Variants in ABHD6 observed in about 807,000 individuals in gnomAD.
The protein encoded by ABHD6 is abhydrolase domain containing 6, acylglycerol lipase.
A neutral mutation model predicts 38.8 loss-of-function variants in ABHD6; 33 were observed. That is an observed-to-expected ratio of 0.85 (90% CI 0.64 to 1.14). The LOEUF (loss-of-function observed/expected upper bound fraction) is 1.14, where lower values mean the gene tolerates loss of function less well. ABHD6 is among the 50% of genes most tolerant of loss of function. The probability of loss-of-function intolerance (pLI) is 0.00; values close to 1 mark genes in which losing one functional copy is unlikely to be tolerated. For synonymous variants in ABHD6, 147 were observed against 161.6 expected (o/e 0.91, Z 0.69); for missense variants, 380 against 422.6 (o/e 0.90, Z 0.88).
rs1461250295 is a variant in ABHD6 at position 58,291,243 on chromosome 3, C to T, written c.838-2346C>T. 3.7e-4 allele frequency among the ~76,000 whole-genome samples: 56 copies of T among 150,746 alleles called. No individual in the cohort carries two copies. In the East Asian group the frequency reaches 0.011, roughly 29 times the overall value. ...AAATACGAAAACCAGTCAGGCGTGG[C>T]AGTGTGCACCTGCAATCGCAGGCAC... is the stretch of plus-strand genomic sequence containing the variant. On this transcript the variant is annotated intron_variant, in intron 9 of 9. Coordinates refer to ENST00000478253, the MANE Select transcript of ABHD6 (RefSeq NM_001320126.2).
intron 7 of ABHD6, among the ~76,000 whole-genome samples, chr3:58,275,794 G>T (rs986356512): frequency 6.6e-6 from 1 of 151,738 alleles, no homozygotes. Flanking sequence ...CCTTCCCCCA[G>T]CCCCCTACCC....
At position 58,260,781 on chromosome 3, in the gene ABHD6, G is replaced by T. The variant is rs2097436416; in HGVS notation, c.119+4076G>T. Among the ~76,000 whole-genome samples, 2 of 152,198 alleles carry T rather than the reference G, an allele frequency of 1.3e-5. 1 individual carries two copies. The highest frequency in any genetic ancestry group is 4.1e-4 in the South Asian group (2 of 4,826). On this transcript the variant is annotated intron_variant, in intron 3 of 9. Transcript: ENST00000478253. ...CCCAGTCCCCGTTCCCCGCTGCCCT[G>T]CCATATGAGCATAAGGGTTTGGTGA...
At chr3:58,279,195 G>T (rs1421226859) in intron 7 of ABHD6, among the ~76,000 whole-genome samples, 1 of 152,196 alleles carries the variant, frequency 6.6e-6, no homozygotes, top group East Asian at 1.9e-4. Flanking sequence ...AGTATTGACA[G>T]TGGGGTGTTA....
chr3:58,247,149 T>G (rs897861405), intron 1 of ABHD6, among the ~76,000 whole-genome samples: 1 of 151,196 alleles, frequency 6.6e-6, no homozygotes, highest in Non-Finnish European at 1.5e-5. Flanking sequence ...ACTACAGGCA[T>G]GCACCACCAC....
Position 58,281,252 on chromosome 3 carries a change from G to A in ABHD6, c.682-3833G>A, listed in dbSNP as rs528235819. ...TTGCTGAGCTGTGGTGGGCTTTGCC[G>A]AGTTCGAGCTTCCAGGCCACTTTGT... On this transcript the variant is annotated intron_variant, in intron 7 of 9. Coordinates refer to ENST00000478253, the MANE Select transcript of ABHD6 (RefSeq NM_001320126.2). Among the ~76,000 whole-genome samples, 6 of 152,198 alleles carry A rather than the reference G, an allele frequency of 3.9e-5. No individual in the cohort carries two copies. In the South Asian group the frequency reaches 8.3e-4, roughly 21 times the overall value.
chr3:58,284,241 C>G (rs2097455383), intron 7 of ABHD6, among the ~76,000 whole-genome samples: 2 of 152,166 alleles, frequency 1.3e-5, no homozygotes. Context: ...CAGCCCTCAG[C>G]AGGGAAGGCA....
chr3:58,273,228 T>C lies in ABHD6; in HGVS notation c.524-1430T>C, dbSNP rs1278127589. 6.6e-6 allele frequency among the ~76,000 whole-genome samples: 1 copy of C among 152,106 alleles called. No individual in the cohort carries two copies. The highest frequency in any genetic ancestry group is 6.6e-5 in the Admixed American group (1 of 15,264). ...GTGGGTTTCTGCATCACGACCAATATTATTGATGCTACTGCCTTTCATTAT... is the reference window on the plus strand; with the variant it reads ...GTGGGTTTCTGCATCACGACCAATACTATTGATGCTACTGCCTTTCATTAT... On this transcript the variant is annotated intron_variant, in intron 6 of 9. Transcript: ENST00000478253. This position sits in a 1 kb window ranked among gnomAD's most constrained non-coding sequence, Gnocchi z 4.8.
Position 58,285,246 on chromosome 3 carries a change from T to A in ABHD6, c.736+107T>A. On this transcript the variant is annotated intron_variant, in intron 8 of 9. Coordinates refer to ENST00000478253, the MANE Select transcript of ABHD6 (RefSeq NM_001320126.2). This position sits in a 1 kb window ranked among gnomAD's most constrained non-coding sequence, Gnocchi z 4.9. The stretch of plus-strand genomic sequence containing the variant: ...CACTTTGAATGTCTCTTTGGGCCCC[T>A]GAAGAGAGGAAGTGGTGGCCTGGAT... The A allele has an allele frequency of 6.7e-7, 1 of 1,503,068 alleles. No homozygotes were observed. Among genetic ancestry groups the A allele is most frequent in the South Asian group, 1.1e-5 (1 of 88,564 alleles). The allele number at this position is 1,503,068 out of a possible 1,614,324, so 93.1% of individuals were successfully genotyped here.
intron 2 of ABHD6, among the ~76,000 whole-genome samples, 162 bp downstream of exon 2, chr3:58,250,104 AG>A (rs2097428930): frequency 6.6e-6 from 1 of 152,146 alleles, no homozygotes; most frequent in Non-Finnish European, 1.5e-5. Context: ...TGGCACCTGA[AG>A]GTTTTCAAAG....
At chr3:58,286,324 T>G (rs2097456970) in intron 9 of ABHD6, among the ~76,000 whole-genome samples, 1 of 151,924 alleles carries the variant, frequency 6.6e-6, no homozygotes, top group African/African-American at 2.4e-5. Flanking sequence ...TGGCAATTTT[T>G]GTATTTTTTT....
At chr3:58,283,086 G>A (rs2097454479) in intron 7 of ABHD6, among the ~76,000 whole-genome samples, 1 of 152,204 alleles carries the variant, frequency 6.6e-6, no homozygotes, top group Non-Finnish European at 1.5e-5. Context: ...GTCCTCCTAA[G>A]ACTTGAGGGA....
At chr3:58,258,634 T>C (rs991606646) in intron 3 of ABHD6, 6 of 194,732 alleles carry the variant, frequency 3.1e-5, no homozygotes, top group Middle Eastern at 4.9e-4. Flanking sequence ...GGTAAGCCCA[T>C]TGAGATCTAA....
chr3:58,271,642 C>T (rs752312574), intron 6 of ABHD6, among the ~76,000 whole-genome samples: 11 of 151,746 alleles, frequency 7.2e-5, no homozygotes, highest in South Asian at 2.1e-4. Context: ...ACATGTTCTC[C>T]GATATTACCG....
Position 58,244,403 on chromosome 3 carries a change from A to T in ABHD6, c.-90-5475A>T, listed in dbSNP as rs554947849. On this transcript the variant is annotated intron_variant, in intron 1 of 9. Coordinates refer to ENST00000478253, the MANE Select transcript of ABHD6 (RefSeq NM_001320126.2). ...ATGGCTTCTTTATGATAGCACAGTG[A>T]TGACCAAATGTTAATTGGAAGGACT... Among the ~76,000 whole-genome samples, 6 of 152,330 alleles carry T rather than the reference A, an allele frequency of 3.9e-5. No individual in the cohort carries two copies. In the South Asian group the frequency reaches 1.2e-3, roughly 32 times the overall value.
rs781642055 is a variant in ABHD6, at chr3:58,274,786, T to C, written c.652T>C (p.Ser218Pro). ...GATGAGTGAAATGCTTCAGCTCTGC[T>C]CCTATGTCCGCTTCAAGGTGCCCCA... The part of the protein sequence containing the change: ...EEMSEMLQLC[S>P]YVRFKVPQQI... The change falls in exon 7 of 10, where the codon TCC becomes CCC. Residue 218 changes from serine (S) to proline (P), a missense_variant. Ser to Pro is a moderately conservative substitution (Grantham distance 74, BLOSUM62 -1). Coordinates refer to ENST00000478253, the MANE Select transcript of ABHD6 (RefSeq NM_001320126.2). The C allele has an allele frequency of 1.1e-5, 17 of 1,613,984 alleles. No homozygotes were observed. The highest frequency in any genetic ancestry group is 2.2e-5 in the South Asian group (2 of 91,066).
In ABHD6 at chr3:58,266,301, TAGGC is replaced by T. The variant is rs2097440868; in HGVS notation, c.120-882_120-879del. On this transcript the variant is annotated intron_variant, in intron 3 of 9. Transcript: ENST00000478253. This position sits in a 1 kb window ranked among gnomAD's most constrained non-coding sequence, Gnocchi z 4.0. ...CTGTCTCTACTAAAAATACAAAAAT[TAGGC>T]AGGCATGGTGGTGTGCACCTGTAAC... Among the ~76,000 whole-genome samples, 1 of 151,934 alleles carries T rather than the reference TAGGC, an allele frequency of 6.6e-6. No individual in the cohort carries two copies. The highest frequency in any genetic ancestry group is 1.5e-5 in the Non-Finnish European group (1 of 68,004).
chr3:58,249,620 C>T (rs1044106054), intron 1 of ABHD6, among the ~76,000 whole-genome samples: 1 of 152,166 alleles, frequency 6.6e-6, no homozygotes, highest in Admixed American at 6.5e-5. Flanking sequence ...CTTCTTTGAC[C>T]TCTGTCAATT....
rs1222900517 is a variant in ABHD6, at chr3:58,256,062, C to T, written c.-25-500C>T. ...TACCATATTTGCTTTATTTCTCTCT[C>T]TTTTCCTCCCACCAACACACACACA... is the stretch of plus-strand genomic sequence containing the variant. On this transcript the variant is annotated intron_variant, in intron 2 of 9. Transcript: ENST00000478253. This position sits in a 1 kb window ranked among gnomAD's most constrained non-coding sequence, Gnocchi z 4.3. Among the ~76,000 whole-genome samples the T allele has an allele frequency of 6.8e-6, 1 of 146,696 alleles. No individual in the cohort carries two copies. Among genetic ancestry groups the T allele is most frequent in the Non-Finnish European group, 1.5e-5 (1 of 67,446 alleles).
In ABHD6 at chr3:58,263,254, G is replaced by A. The variant is rs1318426245; in HGVS notation, c.120-3935G>A. On this transcript the variant is annotated intron_variant, in intron 3 of 9. Coordinates refer to ENST00000478253, the MANE Select transcript of ABHD6 (RefSeq NM_001320126.2). This position sits in a 1 kb window ranked among gnomAD's most constrained non-coding sequence, Gnocchi z 4.9. ...CAAAAACAAAAATTAGCCGAGCGTG[G>A]TGGCACACACCTGTAATCCCAGCTA... Among the ~76,000 whole-genome samples the A allele has an allele frequency of 6.6e-6, 1 of 151,936 alleles. No homozygotes were observed. Among genetic ancestry groups the A allele is most frequent in the East Asian group, 1.9e-4 (1 of 5,188 alleles).
Sources: allele counts gnomAD v4.1 joint callset (sites outside exome capture counted in the v4.1 genomes callset), GRCh38; gene constraint gnomAD v4.1.1; non-coding constraint Gnocchi (gnomAD v3.1); transcripts MANE v1.5; gene names NCBI Gene and HGNC (gene_info 2026-07-23, HGNC 2026-07-21).